Variants in CDH6 observed in about 807,000 individuals in gnomAD.
CDH6 encodes cadherin 6, also known as cadherin-6.
Under a neutral mutation model 78.0 loss-of-function variants are expected in CDH6, and 31 were observed. The ratio of observed to expected loss-of-function variants is 0.40; its 90% CI spans 0.30 to 0.54. The LOEUF is 0.54. Among genes scored for constraint, CDH6 ranks in the 20% least tolerant of loss-of-function variants. The probability of loss-of-function intolerance (pLI) is 0.56; values close to 1 mark genes in which losing one functional copy is unlikely to be tolerated. For synonymous variants in CDH6, 376 were observed against 368.8 expected (o/e 1.02, Z -0.23); for missense variants, 724 against 975.9 (o/e 0.74, Z 3.44).
At chr5:31,224,419 T>C (rs143078928) in intron 1 of CDH6, among the ~76,000 whole-genome samples, 130 of 152,342 alleles carry the variant, frequency 8.5e-4, no homozygotes, top group Non-Finnish European at 1.4e-3. Flanking sequence ...ACATGGATGA[T>C]TTTTATCCCC....
At chr5:31,312,715 C>A (rs904448298) in intron 7 of CDH6, among the ~76,000 whole-genome samples, 100 of 151,676 alleles carry the variant, frequency 6.6e-4, no homozygotes, top group African/African-American at 2.2e-3. Context: ...AACAAACAAA[C>A]AAAAAAACCC....
intron 1 of CDH6, among the ~76,000 whole-genome samples, chr5:31,223,585 A>C (rs1244149403): frequency 6.6e-6 from 1 of 152,132 alleles, no homozygotes; most frequent in African/African-American, 2.4e-5. Context: ...ATTCTTAAAA[A>C]ACTAATTAGT....
At chr5:31,308,996 G>T (rs1579906894) in intron 7 of CDH6, among the ~76,000 whole-genome samples, 1 of 151,962 alleles carries the variant, frequency 6.6e-6, no homozygotes, top group African/African-American at 2.4e-5. Context: ...TTAACGATGT[G>T]CTATAAATAT....
At chr5:31,320,315 T>C (rs1738445961) in intron 11 of CDH6, among the ~76,000 whole-genome samples, 1 of 152,204 alleles carries the variant, frequency 6.6e-6, no homozygotes, top group Admixed American at 6.5e-5. Context: ...TAAATGCCTT[T>C]GATTTTTTGA....
chr5:31,287,854 G>A (rs1316625052), intron 2 of CDH6, among the ~76,000 whole-genome samples: 2 of 152,236 alleles, frequency 1.3e-5, no homozygotes, highest in African/African-American at 4.8e-5. Context: ...ACCGCACTTT[G>A]AGAACCACCG....
At chr5:31,279,203 A>G (rs186892332) in intron 2 of CDH6, among the ~76,000 whole-genome samples, 109 of 152,318 alleles carry the variant, frequency 7.2e-4, no homozygotes, top group African/African-American at 2.6e-3. Context: ...TGGCCGCCTT[A>G]ACACATATTG....
intron 1 of CDH6, among the ~76,000 whole-genome samples, chr5:31,201,894 G>C (rs181276977): frequency 2.1e-3 from 320 of 152,130 alleles, no homozygotes; most frequent in Middle Eastern, 0.01. Flanking sequence ...ACTAACATTT[G>C]GAATACTAAT....
intron 1 of CDH6, among the ~76,000 whole-genome samples, chr5:31,200,383 G>T: frequency 6.6e-6 from 1 of 151,910 alleles, no homozygotes; most frequent in East Asian, 1.9e-4. Context: ...TTCTCAGCTC[G>T]TTGACATTAC....
chr5:31,275,072 T>C (rs1352620701), intron 2 of CDH6, among the ~76,000 whole-genome samples: 1 of 152,242 alleles, frequency 6.6e-6, no homozygotes, highest in Non-Finnish European at 1.5e-5. Context: ...ACGTAGATAC[T>C]GATTGCACCA....
chr5:31,320,894 G>C (rs924681833), intron 11 of CDH6, among the ~76,000 whole-genome samples: 1 of 151,232 alleles, frequency 6.6e-6, no homozygotes, highest in African/African-American at 2.4e-5. Context: ...CAGGAGAATT[G>C]CTTGAACCTG....
intron 3 of CDH6, among the ~76,000 whole-genome samples, chr5:31,295,526 T>C (rs958289457): frequency 6.6e-6 from 1 of 152,190 alleles, no homozygotes; most frequent in Non-Finnish European, 1.5e-5. Context: ...TAACATGTCT[T>C]GAGAAAAATA....
chr5:31,328,007 G>T lies in CDH6; in HGVS notation c.*4699G>T. 1 of 214,138 alleles carries T rather than the reference G, an allele frequency of 4.7e-6. No homozygotes were observed. Among genetic ancestry groups the T allele is most frequent in the Non-Finnish European group, 9.4e-6 (1 of 106,374 alleles). 13.3% of individuals were successfully genotyped at this position (214,138 alleles called of 1,614,324 possible). ...TTATGGTGCATTTTCATTTTTATTT[G>T]GGGGAAACGTTAGCCCAACAGAGCC... On this transcript the variant is annotated 3_prime_UTR_variant, in exon 12 of 12. Coordinates refer to ENST00000265071, the MANE Select transcript of CDH6 (RefSeq NM_004932.4).
chr5:31,250,619 A>C (rs1208726369), intron 1 of CDH6: 6 of 152,412 alleles, frequency 3.9e-5, no homozygotes, highest in Admixed American at 2.6e-4. Context: ...ACACAGCCCC[A>C]ACCTGGCAAT....
At chr5:31,290,607 C>A (rs1353851218) in intron 2 of CDH6, among the ~76,000 whole-genome samples, 1 of 152,164 alleles carries the variant, frequency 6.6e-6, no homozygotes, top group Non-Finnish European at 1.5e-5. Context: ...GCTCAATAAA[C>A]CCCTAATGTC....
intron 8 of CDH6, among the ~76,000 whole-genome samples, chr5:31,315,797 A>G (rs1277959428): frequency 6.6e-6 from 1 of 152,250 alleles, no homozygotes; most frequent in East Asian, 1.9e-4. Flanking sequence ...CTCGTTCAGC[A>G]TTCAAACTAA....
At chr5:31,243,919 T>C (rs182731422) in intron 1 of CDH6, among the ~76,000 whole-genome samples, 5 of 152,354 alleles carry the variant, frequency 3.3e-5, no homozygotes, top group African/African-American at 1.2e-4. Flanking sequence ...ATACTATTTT[T>C]AAAGGAAAAG....
At chr5:31,278,385 G>T (rs1293234372) in intron 2 of CDH6, among the ~76,000 whole-genome samples, 1 of 152,084 alleles carries the variant, frequency 6.6e-6, no homozygotes, top group Non-Finnish European at 1.5e-5. Context: ...GGTGGTCCGT[G>T]CACAAACTAA....
chr5:31,302,964 A>AAAGAAAAG (rs1238222776), intron 6 of CDH6, among the ~76,000 whole-genome samples: 2 of 111,682 alleles, frequency 1.8e-5, no homozygotes, highest in Admixed American at 9.1e-5. Flanking sequence ...AGAAGGAAAG[A>AAAGAAAAG]AAAGAAAGAA....
Position 31,324,327 on chromosome 5 carries a change from G to C in CDH6, c.*1019G>C, listed in dbSNP as rs1177532178. On this transcript the variant is annotated 3_prime_UTR_variant, in exon 12 of 12. Transcript: ENST00000265071. The stretch of plus-strand genomic sequence containing the variant: ...CGACTAAGTTGAATTAGTAAAGTTA[G>C]ATTAAATAAAACTTAAATCTCACTC... 4.7e-6 allele frequency: 1 copy of C among 212,964 alleles called. No individual in the cohort carries two copies. The highest frequency in any genetic ancestry group is 9.5e-6 in the Non-Finnish European group (1 of 105,568). 13.2% of individuals were successfully genotyped at this position (212,964 alleles called of 1,614,324 possible). A position where few individuals can be genotyped will look rare whatever the true frequency, so the allele number is the denominator to read the frequency against.
Sources: allele counts gnomAD v4.1 joint callset (sites outside exome capture counted in the v4.1 genomes callset), GRCh38; gene constraint gnomAD v4.1.1; transcripts MANE v1.5; gene names NCBI Gene and HGNC (gene_info 2026-07-23, HGNC 2026-07-21).